The following RBM33 variants were observed in gnomAD, a reference collection of about 807,000 sequenced individuals.
RBM33 encodes RNA binding motif protein 33.
Under a neutral mutation model 132.6 loss-of-function variants are expected in RBM33, and 28 were observed. That is an observed-to-expected ratio of 0.21 (90% CI 0.16 to 0.29). The LOEUF (loss-of-function observed/expected upper bound fraction) is 0.29, where lower values mean the gene tolerates loss of function less well. RBM33 is among the 10% of genes least tolerant of loss of function. The pLI is 1.00. For missense variants in RBM33, 1,291 were observed against 1,518.5 expected (o/e 0.85, Z 2.49); for synonymous variants, 634 against 593.0 (o/e 1.07, Z -1.01).
chr7:155,747,458 C>T (rs1276926325), intron 14 of RBM33, among the ~76,000 whole-genome samples: 1 of 152,212 alleles, frequency 6.6e-6, no homozygotes, highest in African/African-American at 2.4e-5. Context: ...GCTGCATGTA[C>T]TCTGCACTGG....
intron 14 of RBM33, among the ~76,000 whole-genome samples, chr7:155,759,109 C>T (rs991459737): frequency 6.6e-6 from 1 of 152,186 alleles, no homozygotes; most frequent in Non-Finnish European, 1.5e-5. Flanking sequence ...AGGTATGACA[C>T]CATCACATCA....
At chr7:155,772,207 CT>C (rs1401126189) in intron 16 of RBM33, among the ~76,000 whole-genome samples, 12 of 152,168 alleles carry the variant, frequency 7.9e-5, no homozygotes, top group African/African-American at 2.9e-4. Flanking sequence ...CATGCTGGTG[CT>C]GTTGCCGGAA....
rs755417235 is a variant in RBM33 at position 155,745,452 on chromosome 7, C to T, written c.2829C>T (p.Val943=). 1 of 1,613,844 alleles carries T rather than the reference C, an allele frequency of 6.2e-7. No homozygotes were observed. The highest frequency in any genetic ancestry group is 8.5e-7 in the Non-Finnish European group (1 of 1,179,828). Reference sequence around the variant, plus strand: ...CTGCAGATGTGGAGGAGCCAGCTGTCCCCCAGACTCCTCGAGTGGCGTCCA... The same window carrying T: ...CTGCAGATGTGGAGGAGCCAGCTGTTCCCCAGACTCCTCGAGTGGCGTCCA... The part of the protein sequence containing the change: ...IKPADVEEPA[V]PQTPRVASIQ... Residue 943 remains valine, a synonymous_variant, in exon 14 of 18, where the codon GTC becomes GTT. Coordinates refer to ENST00000401878, the MANE Select transcript of RBM33 (RefSeq NM_053043.3). The surrounding 1 kb of genome is among the most constrained non-coding windows in gnomAD (Gnocchi z 4.1).
chr7:155,644,871 A>G lies in RBM33; in HGVS notation c.-6A>G, dbSNP rs1174737510. The G allele has an allele frequency of 6.7e-7, 1 of 1,491,704 alleles. No individual in the cohort carries two copies. The highest frequency in any genetic ancestry group is 1.3e-5 in the South Asian group (1 of 79,866). The allele number at this position is 1,491,704 out of a possible 1,614,324, so 92.4% of individuals were successfully genotyped here. Reference sequence around the variant, plus strand: ...GGGAGGCTGAAGGCCGGGCCCCGCGAGTGCCATGGCGGCCGCCCTGGGAGC... The same window carrying G: ...GGGAGGCTGAAGGCCGGGCCCCGCGGGTGCCATGGCGGCCGCCCTGGGAGC... On this transcript the variant is annotated 5_prime_UTR_variant, in exon 1 of 18. Transcript: ENST00000401878.
At chr7:155,656,556 C>G (rs1220950173) in intron 1 of RBM33, among the ~76,000 whole-genome samples, 1 of 151,120 alleles carries the variant, frequency 6.6e-6, no homozygotes, top group Non-Finnish European at 1.5e-5. Flanking sequence ...GTGTTTCAGT[C>G]AAAAAACATA....
chr7:155,765,689 T>C (rs1475470539), intron 15 of RBM33, among the ~76,000 whole-genome samples: 4 of 152,220 alleles, frequency 2.6e-5, no homozygotes, highest in African/African-American at 9.7e-5. Context: ...GGCACATATG[T>C]TCTCTCTGAC....
chr7:155,737,543 T>G lies in RBM33; in HGVS notation c.1274T>G (p.Phe425Cys), dbSNP rs1801167787. Residue 425 changes from phenylalanine (F) to cysteine (C), a missense_variant, in exon 10 of 18, where the codon TTT (phenylalanine) becomes TGT (cysteine). Around this residue, in one of 7 missense-constraint regions of RBM33, gnomAD observed 841 missense variants for 912.0 expected, o/e 0.92. Coordinates refer to ENST00000401878, the MANE Select transcript of RBM33 (RefSeq NM_053043.3). Reference protein sequence around the residue: ...GPQRFPGPPEFPQHTPGPVPN... With the variant: ...GPQRFPGPPECPQHTPGPVPN... The stretch of plus-strand genomic sequence containing the variant: ...GTTGTTCTTTAGGGCCCTCCAGAAT[T>G]TCCACAGCATACACCTGGACCTGTT... 3 of 1,607,464 alleles carry G rather than the reference T, an allele frequency of 1.9e-6. No individual in the cohort carries two copies. Among genetic ancestry groups the G allele is most frequent in the South Asian group, 2.2e-5 (2 of 90,020 alleles).
intron 3 of RBM33, among the ~76,000 whole-genome samples, chr7:155,677,017 A>G (rs1799202352): frequency 6.6e-6 from 1 of 152,082 alleles, no homozygotes; most frequent in Admixed American, 6.6e-5. Flanking sequence ...CTCGAATGAA[A>G]TTTGTCTCTC....
In RBM33 at chr7:155,711,301, C is replaced by T. The variant is rs180789386; in HGVS notation, c.1047C>T (p.His349=). ...QPLQPLLPVQ[H]PHHPSPPQGM... ...TGCAGCCGCTGCTTCCGGTGCAGCA[C>T]CCGCACCACCCATCCCCGCCTCAGG... The change falls in exon 8 of 18, where the codon CAC becomes CAT. Residue 349 remains histidine, a synonymous_variant. Coordinates refer to ENST00000401878, the MANE Select transcript of RBM33 (RefSeq NM_053043.3). The T allele has an allele frequency of 2.5e-6, 4 of 1,607,586 alleles. No individual in the cohort carries two copies. The highest frequency in any genetic ancestry group is 3.4e-6 in the Non-Finnish European group (4 of 1,177,170).
At chr7:155,674,403 G>T (rs1355149300) in intron 3 of RBM33, among the ~76,000 whole-genome samples, 1 of 152,048 alleles carries the variant, frequency 6.6e-6, no homozygotes, top group Non-Finnish European at 1.5e-5. Flanking sequence ...TACCTAAAGT[G>T]GCTACTTTTT....
At position 155,745,503 on chromosome 7, in the gene RBM33, G is replaced by A; in HGVS notation, c.2880G>A (p.Lys960=). The change falls in exon 14 of 18, where the codon AAG becomes AAA. Residue 960 remains lysine (K), a synonymous_variant. Transcript: ENST00000401878. The surrounding 1 kb of genome is among the most constrained non-coding windows in gnomAD (Gnocchi z 4.1). ...TCCAGGGCCGGCCCCAGGACACAAAGCCTGGCGTGAAAAGGACTGTCACGC... is the reference window on the plus strand; with the variant it reads ...TCCAGGGCCGGCCCCAGGACACAAAACCTGGCGTGAAAAGGACTGTCACGC... ...ASIQGRPQDT[K]PGVKRTVTHR... 3 of 1,613,432 alleles carry A rather than the reference G, an allele frequency of 1.9e-6. No homozygotes were observed. The South Asian group carries it at 3.3e-5, about 18-fold the overall frequency.
At chr7:155,662,617 G>T (rs1055156524) in intron 1 of RBM33, among the ~76,000 whole-genome samples, 10 of 152,104 alleles carry the variant, frequency 6.6e-5, no homozygotes, top group Admixed American at 4.6e-4. Context: ...GAGTGCCTGG[G>T]AACTGGGGGA....
chr7:155,759,718 T>C (rs929595077), intron 14 of RBM33, among the ~76,000 whole-genome samples: 7 of 152,244 alleles, frequency 4.6e-5, no homozygotes, highest in Non-Finnish European at 1.0e-4. Context: ...TACAGTGTTA[T>C]GTGTTTATCA....
chr7:155,716,554 G>A (rs1426752138), intron 8 of RBM33, among the ~76,000 whole-genome samples: 1 of 152,094 alleles, frequency 6.6e-6, no homozygotes, highest in African/African-American at 2.4e-5. Flanking sequence ...TGGTACCTAT[G>A]ATCGAGTTAG....
intron 6 of RBM33, chr7:155,701,339 A>G (rs1339584366): frequency 3.5e-6 from 1 of 282,034 alleles, no homozygotes; most frequent in East Asian, 6.6e-5. Flanking sequence ...AGACCGGTTT[A>G]TATTTTGTAC....
chr7:155,765,303 A>C (rs1057380150), intron 15 of RBM33, among the ~76,000 whole-genome samples: 4 of 152,250 alleles, frequency 2.6e-5, no homozygotes, highest in Non-Finnish European at 5.9e-5. Flanking sequence ...AAGACTAGTT[A>C]GTTACTACTG....
intron 3 of RBM33, among the ~76,000 whole-genome samples, chr7:155,673,770 A>ACGCGCGCGCG (rs1213283630): frequency 1.6e-5 from 2 of 121,684 alleles, no homozygotes; most frequent in African/African-American, 7.0e-5. Flanking sequence ...GCATGCGCGC[A>ACGCGCGCGCG]CACACACACA....
rs2178428 is a variant in RBM33 at position 155,738,260 on chromosome 7, T to C, written c.1594T>C (p.Leu532=). 346,266 of 1,613,656 alleles carry C rather than the reference T, an allele frequency of 0.21. 41,803 individuals carry two copies. Among genetic ancestry groups the C allele is most frequent in the African/African-American group, 0.5 (37,546 of 74,892 alleles). The change falls in exon 11 of 18, where the codon TTG becomes CTG. Residue 532 remains leucine (L), a synonymous_variant. Coordinates refer to ENST00000401878, the MANE Select transcript of RBM33 (RefSeq NM_053043.3). ...FPRERPVRPA[L]QPPGPVGILH... The stretch of plus-strand genomic sequence containing the variant: ...AAGAGAGCGGCCCGTACGACCAGCC[T>C]TGCAGCCTCCAGGTCCGGTGGGGAT...
chr7:155,648,991 A>C (rs1798280069), intron 1 of RBM33, among the ~76,000 whole-genome samples: 1 of 152,088 alleles, frequency 6.6e-6, no homozygotes, highest in South Asian at 2.1e-4. Flanking sequence ...GTGGGTCTCC[A>C]GATTTATCCT....
Sources: gnomAD v4.1 joint callset for allele counts (sites outside exome capture counted in the v4.1 genomes callset) on GRCh38, gnomAD v4.1.1 for gene constraint, gnomAD v4.1.1 regional missense constraint, Gnocchi (gnomAD v3.1) non-coding constraint, MANE v1.5 for transcripts, NCBI Gene and HGNC (gene_info 2026-07-23, HGNC 2026-07-21) for gene names.